HSP90B1: variants seen among roughly 807,000 people sequenced by gnomAD.
HSP90B1 encodes the protein endoplasmin.
HSP90B1 carries 27 observed loss-of-function variants against 100.4 expected under a neutral mutation model. The ratio of observed to expected loss-of-function variants is 0.27; its 90% CI spans 0.20 to 0.37. The LOEUF (loss-of-function observed/expected upper bound fraction) is 0.37, where lower values mean the gene tolerates loss of function less well. HSP90B1 is among the 10% of genes least tolerant of loss of function. The pLI is 1.00. For synonymous variants in HSP90B1, 304 were observed against 330.8 expected (o/e 0.92, Z 0.88); for missense variants, 678 against 960.5 (o/e 0.71, Z 3.89).
At position 103,941,402 on chromosome 12, in the gene HSP90B1, T is replaced by C. The variant is rs757192987; in HGVS notation, c.1093-8T>C. On this transcript the variant is annotated splice_polypyrimidine_tract_variant and splice_region_variant and intron_variant, in intron 8 of 17. Transcript: ENST00000299767. ...CGTTTGAATGACTAAGATACCAACT[T>C]TCCACAGGAAAGTGATGACCCCATG... is the stretch of plus-strand genomic sequence containing the variant. 4.3e-6 allele frequency: 7 copies of C among 1,611,412 alleles called. 1 individual carries two copies. In the South Asian group the frequency reaches 7.7e-5, roughly 18 times the overall value.
At position 103,931,638 on chromosome 12, in the gene HSP90B1, G is replaced by A; in HGVS notation, c.152+15G>A. ...GTAGTACAGAGGTTTGTGTTCATTT[G>A]AACTTACGTATACAGATAAGCCGTG... On this transcript the variant is annotated intron_variant, in intron 2 of 17. Transcript: ENST00000299767. 6.4e-7 allele frequency: 1 copy of A among 1,566,652 alleles called. No homozygotes were observed. The highest frequency in any genetic ancestry group is 8.8e-7 in the Non-Finnish European group (1 of 1,137,656).
At chr12:103,941,087 G>C (rs913408986) in intron 8 of HSP90B1, among the ~76,000 whole-genome samples, 4 of 152,158 alleles carry the variant, frequency 2.6e-5, no homozygotes, top group African/African-American at 7.2e-5. Context: ...CAGGGTGGTG[G>C]TTTTCCTATT....
intron 16 of HSP90B1, 91 bp from the exon 17 acceptor site, chr12:103,947,220 A>G (rs1870261855): frequency 1.4e-6 from 2 of 1,452,096 alleles, no homozygotes; most frequent in South Asian, 1.4e-5. Flanking sequence ...CTGAATAAAC[A>G]GAAGTGACAT....
At position 103,947,644 on chromosome 12, in the gene HSP90B1, T is replaced by G. The variant is rs754915804; in HGVS notation, c.2394T>G (p.Ala798=). The change falls in exon 18 of 18, where the codon GCT becomes GCG. Residue 798 remains alanine, a synonymous_variant. Transcript: ENST00000299767. Reference sequence around the variant, plus strand: ...TTATTTATTTACAGGAATCTACAGCTGAAAAAGATGAATTGTAAATTATAC... The same window carrying G: ...TTATTTATTTACAGGAATCTACAGCGGAAAAAGATGAATTGTAAATTATAC... ...EEEETAKEST[A]EKDEL is the part of the protein sequence containing the mutation. 3.8e-6 allele frequency: 6 copies of G among 1,593,670 alleles called. No individual in the cohort carries two copies. Among genetic ancestry groups the G allele is most frequent in the Non-Finnish European group, 5.1e-6 (6 of 1,165,508 alleles).
intron 11 of HSP90B1, 81 bp downstream of exon 11, chr12:103,941,978 C>T (rs1200433683): frequency 2.6e-5 from 23 of 900,288 alleles, no homozygotes; most frequent in Non-Finnish European, 3.9e-5. Context: ...GGAGTAAAAC[C>T]AGATTTTGGG....
chr12:103,945,220 G>C (rs574178931), intron 14 of HSP90B1, among the ~76,000 whole-genome samples: 7 of 152,138 alleles, frequency 4.6e-5, no homozygotes. Flanking sequence ...AGGAGTATCA[G>C]TTGATTCCAA....
chr12:103,930,626 C>CT lies in HSP90B1; in HGVS notation c.49+63dup. 4 of 1,528,460 alleles carry CT rather than the reference C, an allele frequency of 2.6e-6. No individual in the cohort carries two copies. The Admixed American group carries it at 7.9e-5, about 30-fold the overall frequency. 94.7% of individuals were successfully genotyped at this position (1,528,460 alleles called of 1,614,324 possible). A position where few individuals can be genotyped will look rare whatever the true frequency, so the allele number is the denominator to read the frequency against. On this transcript the variant is annotated intron_variant, in intron 1 of 17. Coordinates refer to ENST00000299767, the MANE Select transcript of HSP90B1 (RefSeq NM_003299.3). This position sits in a 1 kb window ranked among gnomAD's most constrained non-coding sequence, Gnocchi z 4.4. ...CACACGCGGCCGCTTCTCGAAGGTCCTGGGGGCGTTGAACGTGGGAGGGGG... is the reference window on the plus strand; with the variant it reads ...CACACGCGGCCGCTTCTCGAAGGTCCTTGGGGGCGTTGAACGTGGGAGGGGG...
chr12:103,938,091 A>C (rs1869967199), intron 6 of HSP90B1: 6 of 401,060 alleles, frequency 1.5e-5, no homozygotes, highest in South Asian at 1.5e-4. Flanking sequence ...GAATTGCTTG[A>C]ACCCGGGAGA....
Position 103,941,376 on chromosome 12 carries a change from T to C in HSP90B1, c.1093-34T>C, listed in dbSNP as rs763435360. ...GTTCTTGCACTGCTTTTCTCCTGTG[T>C]CGTTTGAATGACTAAGATACCAACT... is the stretch of plus-strand genomic sequence containing the variant. On this transcript the variant is annotated intron_variant, in intron 8 of 17. Coordinates refer to ENST00000299767, the MANE Select transcript of HSP90B1 (RefSeq NM_003299.3). The C allele has an allele frequency of 2.5e-6, 4 of 1,605,728 alleles. No homozygotes were observed. In the South Asian group the frequency reaches 3.3e-5, roughly 13 times the overall value.
At position 103,946,778 on chromosome 12, in the gene HSP90B1, C is replaced by A. The variant is rs376797668; in HGVS notation, c.2107-8C>A. 4 of 1,613,418 alleles carry A rather than the reference C, an allele frequency of 2.5e-6. No individual in the cohort carries two copies. The highest frequency in any genetic ancestry group is 1.6e-4 in the Middle Eastern group (1 of 6,084). On this transcript the variant is annotated splice_polypyrimidine_tract_variant and splice_region_variant and intron_variant, in intron 15 of 17. Transcript: ENST00000299767. Reference sequence around the variant, plus strand: ...AATATTAATCTAGTGCATCTTCTTGCATTTCAGGAAGATGAAGATGATAAA... The same window carrying A: ...AATATTAATCTAGTGCATCTTCTTGAATTTCAGGAAGATGAAGATGATAAA...
At chr12:103,947,154 G>A (rs779431279) in intron 16 of HSP90B1, among the ~76,000 whole-genome samples, 157 bp from the exon 17 acceptor site, 8 of 152,138 alleles carry the variant, frequency 5.3e-5, no homozygotes, top group Non-Finnish European at 1.2e-4. Flanking sequence ...CTTTTTGCCT[G>A]CCTCCTTTTG....
chr12:103,932,783 T>TATC, intron 3 of HSP90B1, 43 bp from the exon 4 acceptor site: 1 of 998,672 alleles, frequency 1.0e-6, no homozygotes, highest in South Asian at 1.3e-5. Flanking sequence ...TCTTAATGCA[T>TATC]CTTGAGGATA....
In HSP90B1 at chr12:103,943,778, C is replaced by T. The variant is rs754939231; in HGVS notation, c.1931C>T (p.Pro644Leu). 26 of 1,614,000 alleles carry T rather than the reference C, an allele frequency of 1.6e-5. No individual in the cohort carries two copies. Among genetic ancestry groups the T allele is most frequent in the Middle Eastern group, 3.3e-4 (2 of 6,084 alleles). The change falls in exon 14 of 18, where the codon CCG (proline) becomes CTG (leucine). Residue 644 changes from proline (P) to leucine (L), a missense_variant. Physicochemically the swap from Pro to Leu is moderately conservative, Grantham distance 98 (BLOSUM62 -3). Transcript: ENST00000299767. The surrounding 1 kb of genome is among the most constrained non-coding windows in gnomAD (Gnocchi z 5.3). The part of the protein sequence containing the change: ...AVVSQRLTES[P>L]CALVASQYGW... ...GTGTCTCAGCGCCTGACAGAATCTC[C>T]GTGTGCTTTGGTGGCCAGCCAGTAC... is the stretch of plus-strand genomic sequence containing the variant.
intron 6 of HSP90B1, 72 bp from the exon 7 acceptor site, chr12:103,938,268 A>G (rs1869973630): frequency 2.2e-6 from 3 of 1,368,970 alleles, no homozygotes; most frequent in South Asian, 1.4e-5. Flanking sequence ...CTGTAATGTT[A>G]TATCATATTC....
At chr12:103,931,322 C>T (rs1869751957) in intron 1 of HSP90B1, among the ~76,000 whole-genome samples, 199 bp from the exon 2 acceptor site, 1 of 152,230 alleles carries the variant, frequency 6.6e-6, no homozygotes, top group South Asian at 2.1e-4. Flanking sequence ...ATTTCAGGAT[C>T]TACTGGAGAC....
chr12:103,940,480 G>C (rs1870044340), intron 8 of HSP90B1, among the ~76,000 whole-genome samples: 1 of 152,044 alleles, frequency 6.6e-6, no homozygotes, highest in African/African-American at 2.4e-5. Flanking sequence ...CTTAACCATA[G>C]CTAAATAAAA....
intron 6 of HSP90B1, 137 bp from the exon 7 acceptor site, chr12:103,938,203 G>C: frequency 1.6e-6 from 1 of 637,994 alleles, no homozygotes; most frequent in South Asian, 2.7e-5. Flanking sequence ...GGCAAAATGT[G>C]GTCTATTAGT....
chr12:103,943,742 A>C lies in HSP90B1; in HGVS notation c.1895A>C (p.Glu632Ala). 1 of 1,611,468 alleles carries C rather than the reference A, an allele frequency of 6.2e-7. No individual in the cohort carries two copies. The highest frequency in any genetic ancestry group is 8.5e-7 in the Non-Finnish European group (1 of 1,179,166). The change falls in exon 14 of 18, where the codon GAA becomes GCA. Residue 632 changes from glutamate (E) to alanine (A), a missense_variant. Physicochemically the swap from Glu to Ala is moderately radical, Grantham distance 107. Transcript: ENST00000299767. The surrounding 1 kb of genome is among the most constrained non-coding windows in gnomAD (Gnocchi z 5.3). ...MKDKALKDKI[E>A]KAVVSQRLTE... is the part of the protein sequence containing the mutation. ...GACTTGATTTCTTTCCCTAAGATTGAAAAGGCTGTGGTGTCTCAGCGCCTG... is the reference window on the plus strand; with the variant it reads ...GACTTGATTTCTTTCCCTAAGATTGCAAAGGCTGTGGTGTCTCAGCGCCTG...
Position 103,930,504 on chromosome 12 carries a change from C to T in HSP90B1, c.-12C>T, listed in dbSNP as rs554787736. The T allele has an allele frequency of 5.0e-6, 8 of 1,602,480 alleles. No homozygotes were observed. The East Asian group carries it at 1.2e-4, about 23-fold the overall frequency. On this transcript the variant is annotated 5_prime_UTR_variant, in exon 1 of 18. Coordinates refer to ENST00000299767, the MANE Select transcript of HSP90B1 (RefSeq NM_003299.3). The surrounding 1 kb of genome is among the most constrained non-coding windows in gnomAD (Gnocchi z 4.4). Reference sequence around the variant, plus strand: ...CGATCGAAGGGGACTTGAGACTCACCGGCCGCACGCCATGAGGGCCCTGTG... The same window carrying T: ...CGATCGAAGGGGACTTGAGACTCACTGGCCGCACGCCATGAGGGCCCTGTG...
Sources: gnomAD v4.1 joint callset for allele counts (sites outside exome capture counted in the v4.1 genomes callset) on GRCh38, gnomAD v4.1.1 for gene constraint, Gnocchi (gnomAD v3.1) non-coding constraint, MANE v1.5 for transcripts, NCBI Gene and HGNC (gene_info 2026-07-23, HGNC 2026-07-21) for gene names.